The following MPP2 variants were observed in gnomAD, a reference collection of about 807,000 sequenced individuals.
MPP2 encodes the protein MAGUK p55 subfamily member 2.
A neutral mutation model predicts 58.5 loss-of-function variants in MPP2; 42 were observed. The ratio of observed to expected loss-of-function variants is 0.72; its 90% confidence interval spans 0.56 to 0.93. The LOEUF (loss-of-function observed/expected upper bound fraction) is 0.93, where lower values mean the gene tolerates loss of function less well. MPP2 is among the 40% of genes least tolerant of loss of function. The pLI is 0.00. For missense variants in MPP2, 632 were observed against 760.4 expected (o/e 0.83, Z 1.99); for synonymous variants, 300 against 307.8 (o/e 0.97, Z 0.26).
At chr17:43,893,341 T>A (rs1383064637) in intron 3 of MPP2, among the ~76,000 whole-genome samples, 1 of 152,174 alleles carries the variant, frequency 6.6e-6, no homozygotes, top group Admixed American at 6.5e-5. Flanking sequence ...ATCAATTTCA[T>A]TGCCAAGTGT....
chr17:43,882,883 T>G lies in MPP2; in HGVS notation c.453+20A>C. Reference sequence around the variant, plus strand: ...CCCCCACCCTCACCAGCACCACCTCTGGCCCTGCCCAGTCCTCACCAGATG... The same window carrying G: ...CCCCCACCCTCACCAGCACCACCTCGGGCCCTGCCCAGTCCTCACCAGATG... On this transcript the variant is annotated intron_variant, in intron 5 of 12. Transcript: ENST00000269095. 1 of 1,613,618 alleles carries G rather than the reference T, an allele frequency of 6.2e-7. No homozygotes were observed. Among genetic ancestry groups the G allele is most frequent in the Non-Finnish European group, 8.5e-7 (1 of 1,179,972 alleles).
At chr17:43,882,026 T>C (rs1037838414) in intron 6 of MPP2, among the ~76,000 whole-genome samples, 1 of 152,202 alleles carries the variant, frequency 6.6e-6, no homozygotes, top group African/African-American at 2.4e-5. Flanking sequence ...ACGCTGACCA[T>C]AATGCAGGCG....
At chr17:43,893,878 A>G (rs1003526490) in intron 3 of MPP2, among the ~76,000 whole-genome samples, 1 of 152,146 alleles carries the variant, frequency 6.6e-6, no homozygotes, top group African/African-American at 2.4e-5. Context: ...CCCTATCTCT[A>G]TCTATATCTA....
chr17:43,878,472 G>A (rs2046947688), intron 12 of MPP2, among the ~76,000 whole-genome samples: 2 of 152,168 alleles, frequency 1.3e-5, no homozygotes, highest in South Asian at 2.1e-4. Context: ...GAAGCTGGAT[G>A]GGCAGGGGTG....
At chr17:43,893,905 T>C (rs1303568194) in intron 3 of MPP2, among the ~76,000 whole-genome samples, 1 of 152,204 alleles carries the variant, frequency 6.6e-6, no homozygotes, top group Non-Finnish European at 1.5e-5. Context: ...GGTCGATAGC[T>C]GTACTACTTG....
At chr17:43,907,290 C>G (rs1453761490) in intron 1 of MPP2, 184 bp downstream of exon 1, 1 of 985,560 alleles carries the variant, frequency 1.0e-6, no homozygotes, top group South Asian at 4.7e-5. Flanking sequence ...GCTTGGTTCT[C>G]CCAACCAGCA....
intron 2 of MPP2, chr17:43,901,691 G>A: frequency 6.0e-6 from 4 of 672,026 alleles, no homozygotes; most frequent in African/African-American, 2.0e-5. Flanking sequence ...TCCAAAAAAG[G>A]GAGGGAATCT....
intron 3 of MPP2, among the ~76,000 whole-genome samples, chr17:43,897,827 T>A (rs1319742596): frequency 2.0e-5 from 3 of 152,346 alleles, no homozygotes; most frequent in South Asian, 4.1e-4. Context: ...AAATGCATAG[T>A]GTATCCACCT....
At chr17:43,886,568 GAGA>G (rs2047378679) in intron 3 of MPP2, among the ~76,000 whole-genome samples, 1 of 152,170 alleles carries the variant, frequency 6.6e-6, no homozygotes, top group East Asian at 1.9e-4. Context: ...TATATCTGTG[GAGA>G]AGATCTTCCA....
intron 3 of MPP2, among the ~76,000 whole-genome samples, chr17:43,890,079 T>A (rs1411474132): frequency 6.6e-6 from 1 of 152,058 alleles, no homozygotes; most frequent in Non-Finnish European, 1.5e-5. Context: ...CCCAAAGTGC[T>A]GGGATTACAG....
intron 3 of MPP2, among the ~76,000 whole-genome samples, chr17:43,895,902 C>A (rs1322561251): frequency 1.3e-5 from 2 of 152,196 alleles, no homozygotes; most frequent in Non-Finnish European, 2.9e-5. Context: ...GTTTTCTCTT[C>A]CCCAGAACTT....
At position 43,879,996 on chromosome 17, in the gene MPP2, G is replaced by A; in HGVS notation, c.1151-12C>T. ...CCGCCGGGAGGTGTCTAGGGGGATG[G>A]GGGTAGGTTGGACCAAATGGGCAGG... On this transcript the variant is annotated splice_polypyrimidine_tract_variant and intron_variant, in intron 10 of 12. Transcript: ENST00000269095. This position sits in a 1 kb window ranked among gnomAD's most constrained non-coding sequence, Gnocchi z 4.1. 6.2e-7 allele frequency: 1 copy of A among 1,613,746 alleles called. No individual in the cohort carries two copies. Among genetic ancestry groups the A allele is most frequent in the Non-Finnish European group, 8.5e-7 (1 of 1,179,842 alleles).
chr17:43,903,760 T>C (rs1013993335), intron 2 of MPP2, among the ~76,000 whole-genome samples: 1 of 152,200 alleles, frequency 6.6e-6, no homozygotes, highest in African/African-American at 2.4e-5. Context: ...CTAAAAGTAA[T>C]GTGCTCTCCC....
chr17:43,896,890 C>T (rs1395010399), intron 3 of MPP2, among the ~76,000 whole-genome samples: 1 of 152,076 alleles, frequency 6.6e-6, no homozygotes, highest in Non-Finnish European at 1.5e-5. Context: ...GCCTTGCCTC[C>T]AACGCAGCCA....
intron 3 of MPP2, among the ~76,000 whole-genome samples, chr17:43,885,300 A>G (rs888655956): frequency 6.6e-6 from 1 of 152,042 alleles, no homozygotes; most frequent in Admixed American, 6.6e-5. Context: ...TGGGAGCCCC[A>G]TTCACACCTC....
chr17:43,890,903 C>A (rs1054619614), intron 3 of MPP2, among the ~76,000 whole-genome samples: 1 of 152,218 alleles, frequency 6.6e-6, no homozygotes, highest in Non-Finnish European at 1.5e-5. Flanking sequence ...CCACCCAGCC[C>A]CAGCTAAGCA....
intron 3 of MPP2, among the ~76,000 whole-genome samples, chr17:43,893,849 C>A (rs1451117133): frequency 6.6e-6 from 1 of 152,208 alleles, no homozygotes; most frequent in Non-Finnish European, 1.5e-5. Flanking sequence ...GAACACCACA[C>A]CGCAGTTCAA....
At chr17:43,896,363 A>G (rs546988355) in intron 3 of MPP2, among the ~76,000 whole-genome samples, 2 of 151,820 alleles carry the variant, frequency 1.3e-5, no homozygotes, top group South Asian at 2.1e-4. Context: ...GCCCCACCCT[A>G]CATTATCATG....
At chr17:43,897,610 C>T (rs899150443) in intron 3 of MPP2, among the ~76,000 whole-genome samples, 1 of 152,204 alleles carries the variant, frequency 6.6e-6, no homozygotes, top group Non-Finnish European at 1.5e-5. Flanking sequence ...TTGTCTTACA[C>T]TTGAGGCTCA....
Sources: allele counts gnomAD v4.1 joint callset (sites outside exome capture counted in the v4.1 genomes callset), GRCh38; gene constraint gnomAD v4.1.1; non-coding constraint Gnocchi (gnomAD v3.1); transcripts MANE v1.5; gene names NCBI Gene and HGNC (gene_info 2026-07-23, HGNC 2026-07-21).